Variants in GPM6B observed in about 807,000 individuals in gnomAD.
GPM6B encodes neuronal membrane glycoprotein M6-b.
GPM6B carries 4 observed loss-of-function variants against 27.2 expected under a neutral mutation model. That is an observed-to-expected ratio of 0.15 (90% CI 0.07 to 0.34). The LOEUF (loss-of-function observed/expected upper bound fraction) is 0.34, where lower values mean the gene tolerates loss of function less well. GPM6B is among the 10% of genes least tolerant of loss of function. GPM6B has a pLI of 1.00. For synonymous variants in GPM6B, 124 were observed against 103.1 expected (o/e 1.20, Z -1.23); for missense variants, 183 against 261.9 (o/e 0.70, Z 2.08).
intron 2 of GPM6B, among the ~76,000 whole-genome samples, chrX:13,800,649 T>A (rs774676909): frequency 4.5e-5 from 5 of 111,949 alleles, no homozygotes; most frequent in Non-Finnish European, 7.5e-5. Flanking sequence ...CATATACAGG[T>A]TGAACATATA....
Position 13,777,378 on chromosome X carries a change from G to A in GPM6B, c.745C>T (p.Leu249=). ...AFPGKICGSA[L]ENICNTNEFY... ...TCGTTTGTGTTGCAGATGTTCTCCA[G>A]GGCAGAGCCACATATTTTTCCGGGG... Residue 249 remains leucine, a synonymous_variant, in exon 6 of 8, where the codon CTG becomes TTG. Transcript: ENST00000316715. 1.7e-6 allele frequency: 2 copies of A among 1,205,463 alleles called. No individual in the cohort carries two copies.
At chrX:13,825,727 G>T (rs766655909) in intron 1 of GPM6B, among the ~76,000 whole-genome samples, 2 of 112,586 alleles carry the variant, frequency 1.8e-5, no homozygotes, top group Non-Finnish European at 3.8e-5. Flanking sequence ...AAGAAATTTG[G>T]TGGTGAGGGG....
chrX:13,845,839 G>C (rs1413006294), intron 1 of GPM6B, among the ~76,000 whole-genome samples: 1 of 111,999 alleles, frequency 8.9e-6, no homozygotes, highest in Non-Finnish European at 1.9e-5. Context: ...TACATGTTCT[G>C]AAAGAGGTAA....
chrX:13,798,982 C>T (rs72614517), intron 2 of GPM6B, among the ~76,000 whole-genome samples: 2,391 of 111,403 alleles, frequency 0.021, 64 homozygotes, highest in East Asian at 0.19. Context: ...GGTGGGGGAG[C>T]TTTCAAGAAC....
At chrX:13,774,536 T>A in intron 7 of GPM6B, 1 of 1,206,406 alleles carries the variant, frequency 8.3e-7, no homozygotes, top group Non-Finnish European at 1.1e-6. Context: ...TAAAACTCCT[T>A]ATGCAATTTA....
intron 1 of GPM6B, among the ~76,000 whole-genome samples, chrX:13,838,653 G>T (rs2049534948): frequency 8.9e-6 from 1 of 112,060 alleles, no homozygotes; most frequent in Non-Finnish European, 1.9e-5. Context: ...CCAGCTGGGG[G>T]CTGAGCTAGG....
intron 2 of GPM6B, among the ~76,000 whole-genome samples, chrX:13,795,311 A>T (rs1053076725): frequency 8.9e-6 from 1 of 112,541 alleles, no homozygotes; most frequent in African/African-American, 3.2e-5. Flanking sequence ...AATATCATCA[A>T]TATGGTTTCA....
intron 3 of GPM6B, among the ~76,000 whole-genome samples, chrX:13,784,578 T>C (rs1015290538): frequency 8.9e-6 from 1 of 111,903 alleles, no homozygotes; most frequent in African/African-American, 3.3e-5. Flanking sequence ...CTTATAATCA[T>C]AAGACACACT....
intron 1 of GPM6B, among the ~76,000 whole-genome samples, chrX:13,937,746 T>G (rs970697058): frequency 1.8e-5 from 2 of 111,266 alleles, no homozygotes; most frequent in East Asian, 5.7e-4. Context: ...ACAAAAAGAA[T>G]CCTACAGCCG....
intron 1 of GPM6B, among the ~76,000 whole-genome samples, chrX:13,935,883 T>C (rs1241509536): frequency 8.9e-6 from 1 of 112,473 alleles, no homozygotes; most frequent in Non-Finnish European, 1.9e-5. Flanking sequence ...GCATACACAA[T>C]ACAGCAACAT....
intron 2 of GPM6B, among the ~76,000 whole-genome samples, chrX:13,799,866 T>TTTGCACTG (rs1254786066): frequency 9.0e-6 from 1 of 111,123 alleles, no homozygotes; most frequent in Admixed American, 9.6e-5. Context: ...GGAGGATGCA[T>TTTGCACTG]TTGCACTGTG....
At chrX:13,844,491 G>C (rs1016645245) in intron 1 of GPM6B, among the ~76,000 whole-genome samples, 2 of 112,336 alleles carry the variant, frequency 1.8e-5, no homozygotes, top group Admixed American at 1.9e-4. Context: ...CACACATCCT[G>C]TAACAGCCAA....
At chrX:13,875,162 C>G (rs1212334531) in intron 1 of GPM6B, among the ~76,000 whole-genome samples, 1 of 111,426 alleles carries the variant, frequency 9.0e-6, no homozygotes, top group Non-Finnish European at 1.9e-5. Context: ...GCACAGAGAA[C>G]GAGTATCCAT....
intron 1 of GPM6B, among the ~76,000 whole-genome samples, chrX:13,897,302 A>G (rs1211181886): frequency 8.9e-6 from 1 of 112,180 alleles, no homozygotes; most frequent in Non-Finnish European, 1.9e-5. Flanking sequence ...CTGTCATAAT[A>G]TCTTCCAAGA....
At chrX:13,803,318 C>T (rs1366427302) in intron 2 of GPM6B, among the ~76,000 whole-genome samples, 1 of 110,355 alleles carries the variant, frequency 9.1e-6, no homozygotes, top group Non-Finnish European at 1.9e-5. Context: ...CACCCCACAA[C>T]CCCGTGGCGA....
intron 1 of GPM6B, among the ~76,000 whole-genome samples, chrX:13,876,360 G>A (rs994696543): frequency 4.5e-5 from 5 of 112,227 alleles, no homozygotes; most frequent in Non-Finnish European, 7.5e-5. Context: ...GGTTATCAAG[G>A]AAGACACATA....
chrX:13,909,823 TGCAGCTG>T (rs1222698709), intron 1 of GPM6B, among the ~76,000 whole-genome samples: 1 of 111,908 alleles, frequency 8.9e-6, no homozygotes, highest in African/African-American at 3.2e-5. Flanking sequence ...TCTTAACTAC[TGCAGCTG>T]TCAGTCAACC....
chrX:13,829,444 T>C (rs932557827), intron 1 of GPM6B, among the ~76,000 whole-genome samples: 5 of 111,818 alleles, frequency 4.5e-5, no homozygotes, highest in African/African-American at 1.6e-4. Flanking sequence ...ATTTTCAAAG[T>C]CCTTTATGCT....
chrX:13,796,144 C>T (rs191786769), intron 2 of GPM6B, among the ~76,000 whole-genome samples: 181 of 111,307 alleles, frequency 1.6e-3, no homozygotes, highest in African/African-American at 5.6e-3. Flanking sequence ...AGGCTGGTCT[C>T]GAACTCCTGA....
Sources: gnomAD v4.1 joint callset for allele counts (sites outside exome capture counted in the v4.1 genomes callset) on GRCh38, gnomAD v4.1.1 for gene constraint, MANE v1.5 for transcripts, NCBI Gene and HGNC (gene_info 2026-07-23, HGNC 2026-07-21) for gene names.